Variants in SPOCK1 observed in about 807,000 individuals in gnomAD.
SPOCK1 encodes the protein SPARC (osteonectin), cwcv and kazal like domains proteoglycan 1.
In SPOCK1, 23 loss-of-function variants were observed where a neutral mutation model predicts 55.3. That is an observed-to-expected ratio of 0.42 (90% CI 0.30 to 0.59). The LOEUF (loss-of-function observed/expected upper bound fraction) is 0.59. SPOCK1 is among the 20% of genes least tolerant of loss of function. The pLI is 0.22. For missense variants in SPOCK1, 499 were observed against 552.5 expected (o/e 0.90, Z 0.97); for synonymous variants, 226 against 221.0 (o/e 1.02, Z -0.20).
intron 3 of SPOCK1, among the ~76,000 whole-genome samples, chr5:137,160,423 TAA>T (rs1311659011): frequency 8.5e-6 from 1 of 117,912 alleles, no homozygotes; most frequent in Admixed American, 1.1e-4. Context: ...ATATATAATA[TAA>T]TATATATATT....
chr5:136,985,087 G>A, intron 9 of SPOCK1, 53 bp downstream of exon 9: 1 of 1,522,884 alleles, frequency 6.6e-7, no homozygotes, highest in Non-Finnish European at 9.1e-7. Flanking sequence ...CATTACAAGG[G>A]ACATGGCTGG....
intron 3 of SPOCK1, among the ~76,000 whole-genome samples, chr5:137,213,466 C>A (rs758209369): frequency 6.6e-6 from 1 of 152,196 alleles, no homozygotes; most frequent in Non-Finnish European, 1.5e-5. Context: ...GCCATCAAAC[C>A]TCTATCAAGC....
chr5:137,232,338 A>G (rs1408634770), intron 3 of SPOCK1, among the ~76,000 whole-genome samples: 6 of 152,192 alleles, frequency 3.9e-5, no homozygotes, highest in African/African-American at 1.4e-4. Flanking sequence ...ATTTAAGTTC[A>G]TGATGCATTT....
chr5:137,264,477 C>T (rs890020851), intron 3 of SPOCK1, among the ~76,000 whole-genome samples: 1 of 152,050 alleles, frequency 6.6e-6, no homozygotes, highest in Non-Finnish European at 1.5e-5. Flanking sequence ...TATTCCAAGC[C>T]TACTCCACAC....
chr5:137,151,421 AG>A (rs1175908732), intron 3 of SPOCK1, among the ~76,000 whole-genome samples: 1 of 152,204 alleles, frequency 6.6e-6, no homozygotes, highest in African/African-American at 2.4e-5. Flanking sequence ...ACCTCAAAAT[AG>A]GTATTTGCTC....
intron 3 of SPOCK1, among the ~76,000 whole-genome samples, chr5:137,192,243 A>G (rs1580799984): frequency 6.6e-6 from 1 of 151,272 alleles, no homozygotes; most frequent in Non-Finnish European, 1.5e-5. Context: ...AAAAAAAAAA[A>G]AAAAAAAAAA....
intron 6 of SPOCK1, among the ~76,000 whole-genome samples, chr5:137,051,509 CAG>C (rs966336070): frequency 2.0e-5 from 3 of 152,132 alleles, no homozygotes; most frequent in South Asian, 2.1e-4. Context: ...CAGAGTAAGA[CAG>C]AGATTTATAA....
intron 4 of SPOCK1, among the ~76,000 whole-genome samples, chr5:137,132,345 T>A (rs1205833908): frequency 2.0e-5 from 3 of 152,104 alleles, no homozygotes; most frequent in Non-Finnish European, 2.9e-5. Context: ...CAGCAAGATC[T>A]GATCCCTAAT....
intron 3 of SPOCK1, among the ~76,000 whole-genome samples, chr5:137,238,414 C>T (rs900607443): frequency 2.0e-5 from 3 of 152,198 alleles, no homozygotes; most frequent in Admixed American, 6.5e-5. Context: ...TTAGAAAACA[C>T]TCTTTCACAG....
chr5:137,328,364 T>G (rs530555553), intron 2 of SPOCK1, among the ~76,000 whole-genome samples: 1 of 152,162 alleles, frequency 6.6e-6, no homozygotes, highest in African/African-American at 2.4e-5. Flanking sequence ...CCCCAAGAAA[T>G]AAATCTCTCA....
intron 2 of SPOCK1, among the ~76,000 whole-genome samples, chr5:137,457,281 G>C (rs1289620087): frequency 6.6e-6 from 1 of 152,186 alleles, no homozygotes; most frequent in Non-Finnish European, 1.5e-5. Context: ...ATATAAAGTG[G>C]AAGCAGTGCC....
chr5:137,470,249 T>C (rs1263063436), intron 2 of SPOCK1, among the ~76,000 whole-genome samples: 2 of 152,250 alleles, frequency 1.3e-5, no homozygotes, highest in Non-Finnish European at 2.9e-5. Context: ...GCAGTGTCTG[T>C]GTCTCCCTGT....
Position 136,977,773 on chromosome 5 carries a change from T to A in SPOCK1, c.*881A>T. On this transcript the variant is annotated 3_prime_UTR_variant, in exon 11 of 11. Transcript: ENST00000394945. ...CTCAATCAGAGGCTTTCAGTAACTC[T>A]GCTGATGCACAGAGAAGAGACTTCC... 1 of 399,012 alleles carries A rather than the reference T, an allele frequency of 2.5e-6. No individual in the cohort carries two copies. 24.7% of individuals were successfully genotyped at this position (399,012 alleles called of 1,614,324 possible). A position where few individuals can be genotyped will look rare whatever the true frequency, so the allele number is the denominator to read the frequency against.
intron 2 of SPOCK1, among the ~76,000 whole-genome samples, chr5:137,450,129 G>A (rs1753224720): frequency 1.3e-5 from 2 of 152,078 alleles, no homozygotes; most frequent in Admixed American, 1.3e-4. Flanking sequence ...ATAGCCTTGG[G>A]GGAGTGAGAT....
At chr5:137,416,583 G>T (rs1055185133) in intron 2 of SPOCK1, among the ~76,000 whole-genome samples, 1 of 152,138 alleles carries the variant, frequency 6.6e-6, no homozygotes, top group Non-Finnish European at 1.5e-5. Context: ...TCCCCAAAGA[G>T]CCATAAAACT....
chr5:137,333,186 G>A (rs1758218808), intron 2 of SPOCK1, among the ~76,000 whole-genome samples: 1 of 152,226 alleles, frequency 6.6e-6, no homozygotes, highest in Non-Finnish European at 1.5e-5. Flanking sequence ...GGGCCTAAGT[G>A]TACAAAGCTG....
intron 3 of SPOCK1, among the ~76,000 whole-genome samples, chr5:137,151,054 T>C (rs1202044870): frequency 2.0e-5 from 3 of 152,222 alleles, no homozygotes; most frequent in African/African-American, 7.2e-5. Flanking sequence ...TCTCAGACTA[T>C]ATGGTAGGCC....
At chr5:137,100,207 A>G (rs1194386799) in intron 5 of SPOCK1, among the ~76,000 whole-genome samples, 1 of 152,186 alleles carries the variant, frequency 6.6e-6, no homozygotes. Context: ...GCTTATGATA[A>G]GCCTTACAGT....
intron 2 of SPOCK1, among the ~76,000 whole-genome samples, chr5:137,412,347 A>T (rs1752224125): frequency 6.6e-6 from 1 of 152,222 alleles, no homozygotes; most frequent in Non-Finnish European, 1.5e-5. Flanking sequence ...ATGGAAGTTG[A>T]GCCACAGTGA....
Sources: allele counts gnomAD v4.1 joint callset (sites outside exome capture counted in the v4.1 genomes callset), GRCh38; gene constraint gnomAD v4.1.1; transcripts MANE v1.5; gene names NCBI Gene and HGNC (gene_info 2026-07-23, HGNC 2026-07-21).